The following WWOX variants were observed in gnomAD, a reference collection of about 807,000 sequenced individuals.
WWOX encodes the protein WW domain-containing oxidoreductase.
Under a neutral mutation model 46.2 loss-of-function variants are expected in WWOX, and 69 were observed. The observed-to-expected ratio is 1.49, with a 90% CI of 1.23 to 1.82. WWOX has a LOEUF of 1.82. Among genes scored for constraint, WWOX ranks in the 40% most tolerant of loss-of-function variants. The pLI is 0.00. For synonymous variants in WWOX, 359 were observed against 202.6 expected (o/e 1.77, Z -6.56); for missense variants, 919 against 542.6 (o/e 1.69, Z -6.89).
rs193001955 is a variant in WWOX, at chr16:78,432,624, C to T, written c.928C>T (p.Arg310Cys). Residue 310 changes from arginine to cysteine, a missense_variant, in exon 8 of 9, where the codon CGC (arginine) becomes TGC (cysteine). Physicochemically the swap from Arg to Cys is radical, Grantham distance 180 (BLOSUM62 -3). Coordinates refer to ENST00000566780, the MANE Select transcript of WWOX (RefSeq NM_016373.4). ...CCTCTTCTCCAACGAGCTGCACCGT[C>T]GCCTCTCCCCACGCGGGGTCACGTC... Reference protein sequence around the residue: ...NILFSNELHRRLSPRGVTSNA... With the variant: ...NILFSNELHRCLSPRGVTSNA... The T allele has an allele frequency of 3.6e-4, 583 of 1,614,230 alleles. 2 individuals carry two copies. The highest frequency in any genetic ancestry group is 9.8e-4 in the South Asian group (89 of 91,086).
chr16:78,729,520 G>C (rs1490475542), intron 8 of WWOX, among the ~76,000 whole-genome samples: 2 of 152,102 alleles, frequency 1.3e-5, no homozygotes, highest in Non-Finnish European at 2.9e-5. Context: ...TCCATGCAAA[G>C]ATAAAGGCAG....
intron 8 of WWOX, among the ~76,000 whole-genome samples, chr16:78,772,255 A>T (rs1310333576): frequency 6.6e-6 from 1 of 152,088 alleles, no homozygotes; most frequent in Non-Finnish European, 1.5e-5. Context: ...TTGAGTTTTC[A>T]TCATTTAGCT....
At chr16:78,402,022 C>T (rs1356387261) in intron 6 of WWOX, among the ~76,000 whole-genome samples, 5 of 152,154 alleles carry the variant, frequency 3.3e-5, no homozygotes, top group Non-Finnish European at 7.4e-5. Context: ...TTAAGCTGTA[C>T]AATTGAGTGA....
chr16:78,235,330 C>T (rs562001831), intron 5 of WWOX, among the ~76,000 whole-genome samples: 2 of 152,158 alleles, frequency 1.3e-5, no homozygotes, highest in African/African-American at 4.8e-5. Context: ...CAATCTTGGT[C>T]CTTGCTGTTG....
intron 8 of WWOX, among the ~76,000 whole-genome samples, chr16:78,508,351 A>T (rs1250169634): frequency 8.2e-6 from 1 of 121,930 alleles, no homozygotes. Flanking sequence ...AACGCTCATC[A>T]GCTATTGTTA....
chr16:78,885,685 C>T (rs944082274), intron 8 of WWOX, among the ~76,000 whole-genome samples: 4 of 151,980 alleles, frequency 2.6e-5, no homozygotes, highest in Non-Finnish European at 4.4e-5. Flanking sequence ...TTGCAGTTTC[C>T]ATAGGGATAA....
intron 8 of WWOX, among the ~76,000 whole-genome samples, chr16:78,964,848 A>G (rs1226401290): frequency 1.3e-5 from 2 of 152,194 alleles, no homozygotes; most frequent in Non-Finnish European, 2.9e-5. Context: ...CCTGTGTCCC[A>G]GCCACTCCAG....
chr16:78,558,827 G>T (rs1016042519), intron 8 of WWOX, among the ~76,000 whole-genome samples: 1 of 152,200 alleles, frequency 6.6e-6, no homozygotes, highest in African/African-American at 2.4e-5. Context: ...GGCTCTTTCG[G>T]AAGACTTGCC....
intron 8 of WWOX, among the ~76,000 whole-genome samples, chr16:79,184,766 A>G (rs1245903654): frequency 6.6e-6 from 1 of 152,226 alleles, no homozygotes; most frequent in African/African-American, 2.4e-5. Flanking sequence ...AAGAGGAGGC[A>G]CCAATGGCAA....
At chr16:78,850,086 A>T (rs974539202) in intron 8 of WWOX, among the ~76,000 whole-genome samples, 2 of 151,918 alleles carry the variant, frequency 1.3e-5, no homozygotes, top group Non-Finnish European at 2.9e-5. Context: ...AAAAAAAAAT[A>T]GAGTGATAGA....
chr16:79,058,246 A>G (rs2048300852), intron 8 of WWOX, among the ~76,000 whole-genome samples: 1 of 152,158 alleles, frequency 6.6e-6, no homozygotes, highest in Non-Finnish European at 1.5e-5. Flanking sequence ...ATGGTGGGCA[A>G]CTTTCTTTGC....
rs140581309 is a variant in WWOX, at chr16:78,940,939, C to G, written c.1057-270669C>G. Among the ~76,000 whole-genome samples the G allele has an allele frequency of 7.6e-4, 116 of 152,016 alleles. 1 individual carries two copies. Among genetic ancestry groups the G allele is most frequent in the Middle Eastern group, 3.4e-3 (1 of 294 alleles). ...TGCTTGGATCCCAAGGAATTTTCTT[C>G]TGCCCCCCCACCCCATCCCACTCAT... On this transcript the variant is annotated intron_variant, in intron 8 of 8. Transcript: ENST00000566780.
intron 8 of WWOX, among the ~76,000 whole-genome samples, chr16:78,501,367 C>G (rs1008095267): frequency 1.5e-4 from 23 of 151,934 alleles, no homozygotes; most frequent in African/African-American, 3.4e-4. Context: ...ATGACCTCCT[C>G]TAGCCGGCTG....
At chr16:79,088,590 A>G (rs2048896573) in intron 8 of WWOX, among the ~76,000 whole-genome samples, 1 of 152,192 alleles carries the variant, frequency 6.6e-6, no homozygotes, top group Non-Finnish European at 1.5e-5. Context: ...TTGAAACTAA[A>G]AGAGGTTTTC....
intron 8 of WWOX, among the ~76,000 whole-genome samples, chr16:78,989,003 C>T (rs1420454544): frequency 6.6e-6 from 1 of 152,178 alleles, no homozygotes; most frequent in Non-Finnish European, 1.5e-5. Context: ...CCTGAGTTCT[C>T]TGTTAAAACA....
At chr16:78,708,451 C>G (rs2048372121) in intron 8 of WWOX, among the ~76,000 whole-genome samples, 1 of 152,188 alleles carries the variant, frequency 6.6e-6, no homozygotes, top group Non-Finnish European at 1.5e-5. Flanking sequence ...GTCTTGGTAT[C>G]TTTCCTCCTG....
chr16:78,779,097 C>G (rs1567554032), intron 8 of WWOX, among the ~76,000 whole-genome samples: 2 of 152,158 alleles, frequency 1.3e-5, no homozygotes, highest in African/African-American at 2.4e-5. Context: ...CTAAAATTCT[C>G]TCTTCTACAT....
At chr16:78,380,511 A>G (rs865846414) in intron 5 of WWOX, among the ~76,000 whole-genome samples, 1 of 152,166 alleles carries the variant, frequency 6.6e-6, no homozygotes, top group South Asian at 2.1e-4. Context: ...ATTCAGCCGT[A>G]TCAGTGAAGA....
At chr16:78,726,307 C>T (rs1180071024) in intron 8 of WWOX, among the ~76,000 whole-genome samples, 1 of 151,710 alleles carries the variant, frequency 6.6e-6, no homozygotes, top group Non-Finnish European at 1.5e-5. Context: ...TCACTGCAGC[C>T]TCAACCTCCT....
Sources: allele counts gnomAD v4.1 joint callset (sites outside exome capture counted in the v4.1 genomes callset), GRCh38; gene constraint gnomAD v4.1.1; transcripts MANE v1.5; gene names NCBI Gene and HGNC (gene_info 2026-07-23, HGNC 2026-07-21).